MICU2: variants seen among roughly 807,000 people sequenced by gnomAD.
MICU2 encodes mitochondrial calcium uptake 2.
Under a neutral mutation model 60.4 loss-of-function variants are expected in MICU2, and 64 were observed. The observed-to-expected ratio is 1.06, with a 90% CI of 0.87 to 1.31. MICU2 has a LOEUF of 1.31. MICU2 is among the 50% of genes most tolerant of loss of function. MICU2 has a pLI of 0.00. For missense variants in MICU2, 569 were observed against 531.0 expected (o/e 1.07, Z -0.70); for synonymous variants, 201 against 175.0 (o/e 1.15, Z -1.17).
At chr13:21,513,167 A>T (rs1477174410) in intron 7 of MICU2, among the ~76,000 whole-genome samples, 1 of 152,072 alleles carries the variant, frequency 6.6e-6, no homozygotes. Flanking sequence ...GAGTTTCTAC[A>T]GAGACAATGC....
intron 4 of MICU2, chr13:21,531,086 T>C (rs1886985541): frequency 9.9e-7 from 1 of 1,010,854 alleles, no homozygotes; most frequent in Non-Finnish European, 1.6e-6. Context: ...GTCAATTACT[T>C]GATTTACAAC....
intron 1 of MICU2, among the ~76,000 whole-genome samples, chr13:21,603,136 C>CG (rs536432154): frequency 6.2e-4 from 87 of 140,944 alleles, no homozygotes; most frequent in African/African-American, 2.0e-3. Context: ...TAGTAGAGAC[C>CG]GGGGGGGCGG....
At chr13:21,495,137 T>A in intron 11 of MICU2, 24 bp downstream of exon 11, 1 of 1,580,390 alleles carries the variant, frequency 6.3e-7, no homozygotes, top group African/African-American at 1.4e-5. Flanking sequence ...TGTAAACATG[T>A]ATTATATAAA....
chr13:21,597,779 A>C (rs1038445989), intron 1 of MICU2, among the ~76,000 whole-genome samples: 3 of 151,882 alleles, frequency 2.0e-5, no homozygotes, highest in African/African-American at 7.3e-5. Context: ...AAAATACAAA[A>C]AATTAGCCGG....
At chr13:21,584,808 C>A (rs1888423837) in intron 1 of MICU2, among the ~76,000 whole-genome samples, 1 of 152,080 alleles carries the variant, frequency 6.6e-6, no homozygotes, top group South Asian at 2.1e-4. Flanking sequence ...AATTCATATA[C>A]TGCTACTATT....
rs35509976 is a variant in MICU2 at position 21,533,324 on chromosome 13, AT to A, written c.466+5977del. 7.2e-3 allele frequency among the ~76,000 whole-genome samples: 995 copies of A among 138,308 alleles called. 6 individuals are homozygous for A. The highest frequency in any genetic ancestry group is 0.022 in the African/African-American group (813 of 37,412). 90.7% of individuals were successfully genotyped at this position (138,308 alleles called of 152,430 possible). On this transcript the variant is annotated intron_variant, in intron 4 of 11. Transcript: ENST00000382374. ...TTGTAATCAATAGTAAGGCAGCGCA[AT>A]TTTTTTTTTTTTTTTTGAGGCAGAG...
At position 21,572,420 on chromosome 13, in the gene MICU2, T is replaced by C. The variant is rs181416773; in HGVS notation, c.211-5476A>G. ...TACATTCCTGTGAGACTTCCGTTAG[T>C]GCCAAGTGAATCTACATTTTACAGA... On this transcript the variant is annotated intron_variant, in intron 1 of 11. Coordinates refer to ENST00000382374, the MANE Select transcript of MICU2 (RefSeq NM_152726.3). Among the ~76,000 whole-genome samples, 170 of 152,324 alleles carry C rather than the reference T, an allele frequency of 1.1e-3. 1 individual carries two copies. In the Middle Eastern group the frequency reaches 0.014, roughly 12 times the overall value.
At chr13:21,518,204 T>G (rs1375064577) in intron 6 of MICU2, among the ~76,000 whole-genome samples, 1 of 152,206 alleles carries the variant, frequency 6.6e-6, no homozygotes, top group Non-Finnish European at 1.5e-5. Flanking sequence ...TTGAAAAAAT[T>G]TTAAAGTAGG....
At chr13:21,536,611 G>T (rs908209020) in intron 4 of MICU2, among the ~76,000 whole-genome samples, 1 of 152,206 alleles carries the variant, frequency 6.6e-6, no homozygotes, top group African/African-American at 2.4e-5. Context: ...GGGATTACAA[G>T]CGTGAGCTAA....
chr13:21,514,206 T>C (rs1417882676), intron 7 of MICU2, 147 bp downstream of exon 7: 16 of 605,882 alleles, frequency 2.6e-5, no homozygotes, highest in African/African-American at 5.7e-5. Flanking sequence ...CAGTCTGTTG[T>C]TGACTGAAAA....
At chr13:21,554,680 G>T (rs986189233) in intron 2 of MICU2, among the ~76,000 whole-genome samples, 2 of 151,988 alleles carry the variant, frequency 1.3e-5, no homozygotes, top group African/African-American at 4.8e-5. Context: ...GATCAGAGCA[G>T]AACTGAAGGA....
At chr13:21,598,302 CAAT>C (rs1888739248) in intron 1 of MICU2, among the ~76,000 whole-genome samples, 1 of 152,022 alleles carries the variant, frequency 6.6e-6, no homozygotes, top group South Asian at 2.1e-4. Context: ...AACGAGTGAA[CAAT>C]AACAAATAAA....
At position 21,538,719 on chromosome 13, in the gene MICU2, C is replaced by T. The variant is rs369530478; in HGVS notation, c.466+583G>A. On this transcript the variant is annotated intron_variant, in intron 4 of 11. Coordinates refer to ENST00000382374, the MANE Select transcript of MICU2 (RefSeq NM_152726.3). ...AATGGGAGGATGTTTGTAGGTTATA[C>T]GCAAATATGATGCCATTTTATATCA... 7.2e-5 allele frequency among the ~76,000 whole-genome samples: 11 copies of T among 152,170 alleles called. No individual in the cohort carries two copies. In the East Asian group the frequency reaches 1.7e-3, roughly 24 times the overall value.
chr13:21,590,508 A>C (rs1271693800), intron 1 of MICU2, among the ~76,000 whole-genome samples: 7 of 152,230 alleles, frequency 4.6e-5, no homozygotes, highest in Non-Finnish European at 2.9e-5. Flanking sequence ...AAATTTAAAC[A>C]AAATAAAACA....
At chr13:21,592,675 G>A (rs1251046498) in intron 1 of MICU2, among the ~76,000 whole-genome samples, 3 of 152,184 alleles carry the variant, frequency 2.0e-5, no homozygotes, top group Non-Finnish European at 4.4e-5. Context: ...CCACGATCAA[G>A]TCGGTTTCAT....
chr13:21,547,692 T>C (rs1400330749), intron 2 of MICU2, among the ~76,000 whole-genome samples: 2 of 151,106 alleles, frequency 1.3e-5, no homozygotes, highest in Admixed American at 1.3e-4. Flanking sequence ...CCAGGCACTG[T>C]GCTAGGTTGG....
chr13:21,534,755 TA>T (rs1313320734), intron 4 of MICU2, among the ~76,000 whole-genome samples: 3 of 152,230 alleles, frequency 2.0e-5, no homozygotes, highest in Non-Finnish European at 4.4e-5. Flanking sequence ...ACTGGGGATA[TA>T]AAAATAACCA....
chr13:21,561,577 T>C (rs1444530388), intron 2 of MICU2, among the ~76,000 whole-genome samples: 1 of 152,086 alleles, frequency 6.6e-6, no homozygotes, highest in Non-Finnish European at 1.5e-5. Context: ...TTTTTATTCC[T>C]GATAATTTCC....
At chr13:21,595,132 G>C (rs1373850093) in intron 1 of MICU2, among the ~76,000 whole-genome samples, 1 of 152,114 alleles carries the variant, frequency 6.6e-6, no homozygotes, top group African/African-American at 2.4e-5. Context: ...GTCAACTGGG[G>C]GTTTCCTTGC....
Sources: gnomAD v4.1 joint callset for allele counts (sites outside exome capture counted in the v4.1 genomes callset) on GRCh38, gnomAD v4.1.1 for gene constraint, MANE v1.5 for transcripts, NCBI Gene and HGNC (gene_info 2026-07-23, HGNC 2026-07-21) for gene names.